The following TMEM65 variants were observed in gnomAD, a reference collection of about 807,000 sequenced individuals.
TMEM65 encodes the protein transmembrane protein 65.
In TMEM65, 22 loss-of-function variants were observed where a neutral mutation model predicts 25.4. That is an observed-to-expected ratio of 0.86 (90% CI 0.62 to 1.23). The LOEUF is 1.23. TMEM65 is among the 50% of genes most tolerant of loss of function. TMEM65 has a pLI of 0.00. For synonymous variants in TMEM65, 132 were observed against 126.2 expected, an observed-to-expected ratio of 1.05 and a Z score of -0.31; for missense variants, 262 against 308.2, an observed-to-expected ratio of 0.85 and a Z score of 1.12.
At chr8:124,345,297 C>G (rs1468264629) in intron 1 of TMEM65, among the ~76,000 whole-genome samples, 1 of 152,224 alleles carries the variant, frequency 6.6e-6, no homozygotes, top group Non-Finnish European at 1.5e-5. Flanking sequence ...CCATGTGTTG[C>G]TGGGAGGAAC....
chr8:124,355,010 A>T (rs1013056455), intron 1 of TMEM65, among the ~76,000 whole-genome samples: 1 of 152,220 alleles, frequency 6.6e-6, no homozygotes, highest in Admixed American at 6.5e-5. Flanking sequence ...ACAGGAGAAC[A>T]ACATGAAGAA....
intron 1 of TMEM65, among the ~76,000 whole-genome samples, chr8:124,362,662 CA>C (rs59243626): frequency 1.2e-4 from 12 of 98,176 alleles, no homozygotes; most frequent in Non-Finnish European, 7.5e-5. Context: ...ACTCTTGTCT[CA>C]AAAAAAAAAA....
Position 124,333,503 on chromosome 8 carries a change from G to C in TMEM65, c.305-2711C>G, listed in dbSNP as rs892978684. 1.4e-4 allele frequency among the ~76,000 whole-genome samples: 20 copies of C among 145,366 alleles called. No individual in the cohort carries two copies. In the South Asian group the frequency reaches 3.7e-3, roughly 27 times the overall value. ...TGTGTGTGTGTGTGTGTGTGTCTGT[G>C]TGTATTATATACATCATACTCTTTT... On this transcript the variant is annotated intron_variant, in intron 1 of 6. Coordinates refer to ENST00000297632, the MANE Select transcript of TMEM65 (RefSeq NM_194291.3).
At chr8:124,332,781 GAAGT>G (rs962147573) in intron 1 of TMEM65, among the ~76,000 whole-genome samples, 2 of 151,908 alleles carry the variant, frequency 1.3e-5, no homozygotes, top group African/African-American at 4.8e-5. Context: ...ATCTTATTAG[GAAGT>G]ATCTATTAAT....
rs1814196952 is a variant in TMEM65, at chr8:124,313,812, C to T, written c.*148G>A. On this transcript the variant is annotated 3_prime_UTR_variant, in exon 7 of 7. Transcript: ENST00000297632. ...AAAAGATGTCCTAAGAAGATCAAGC[C>T]ACAATAAGTTAGTGTTTTCCATAAT... is the stretch of plus-strand genomic sequence containing the variant. The T allele has an allele frequency of 6.7e-6, 4 of 598,974 alleles. No individual in the cohort carries two copies. Among genetic ancestry groups the T allele is most frequent in the African/African-American group, 1.9e-5 (1 of 53,248 alleles). 37.1% of individuals were successfully genotyped at this position (598,974 alleles called of 1,614,324 possible).
intron 3 of TMEM65, among the ~76,000 whole-genome samples, chr8:124,324,221 T>C (rs1344805345): frequency 1.3e-5 from 2 of 152,058 alleles, no homozygotes; most frequent in Non-Finnish European, 2.9e-5. Flanking sequence ...CTCAATGATA[T>C]TTGTGGAGGG....
chr8:124,332,080 T>C lies in TMEM65; in HGVS notation c.305-1288A>G, dbSNP rs141764258. ...AAGAATTAAGAAATGAAGATATATA[T>C]ACTAATCTTACAGAATTTCACATCT... On this transcript the variant is annotated intron_variant, in intron 1 of 6. Coordinates refer to ENST00000297632, the MANE Select transcript of TMEM65 (RefSeq NM_194291.3). 2.0e-5 allele frequency among the ~76,000 whole-genome samples: 3 copies of C among 152,266 alleles called. No homozygotes were observed. In the East Asian group the frequency reaches 5.8e-4, roughly 29 times the overall value.
At chr8:124,339,670 C>T (rs1193595685) in intron 1 of TMEM65, among the ~76,000 whole-genome samples, 1 of 151,998 alleles carries the variant, frequency 6.6e-6, no homozygotes, top group Non-Finnish European at 1.5e-5. Flanking sequence ...TTTGAGCTCA[C>T]TGACTTTATT....
Position 124,307,012 on chromosome 8 carries a change from T to C in TMEM65, c.*6948A>G, listed in dbSNP as rs984153362. On this transcript the variant is annotated 3_prime_UTR_variant, in exon 7 of 7. Transcript: ENST00000297632. Reference sequence around the variant, plus strand: ...ATACACAGACTATACATTGGAGCCATTTGCAGTTGAGACAAACATAAAGAT... The same window carrying C: ...ATACACAGACTATACATTGGAGCCACTTGCAGTTGAGACAAACATAAAGAT... 1.3e-5 allele frequency: 2 copies of C among 152,134 alleles called. No individual in the cohort carries two copies. The highest frequency in any genetic ancestry group is 2.9e-5 in the Non-Finnish European group (2 of 68,040). 9.4% of individuals were successfully genotyped at this position (152,134 alleles called of 1,614,324 possible).
intron 1 of TMEM65, among the ~76,000 whole-genome samples, chr8:124,337,896 G>T (rs1358185454): frequency 6.6e-6 from 1 of 151,964 alleles, no homozygotes. Context: ...TATGTTAAAA[G>T]GATGAGGATA....
At chr8:124,320,422 A>C (rs1369214645) in intron 5 of TMEM65, among the ~76,000 whole-genome samples, 1 of 152,218 alleles carries the variant, frequency 6.6e-6, no homozygotes, top group African/African-American at 2.4e-5. Flanking sequence ...TTTTTATTGC[A>C]TATATTGTTT....
intron 1 of TMEM65, among the ~76,000 whole-genome samples, chr8:124,336,229 G>A (rs1814504796): frequency 6.6e-6 from 1 of 151,990 alleles, no homozygotes; most frequent in African/African-American, 2.4e-5. Flanking sequence ...GAATCTAACA[G>A]AATTAAAGGG....
At chr8:124,351,121 A>G in intron 1 of TMEM65, 4 of 984,710 alleles carry the variant, frequency 4.1e-6, no homozygotes, top group Non-Finnish European at 4.8e-6. Context: ...TCTGCATGCT[A>G]AAAGATATTT....
chr8:124,312,704 T>C lies in TMEM65; in HGVS notation c.*1256A>G, dbSNP rs953571538. On this transcript the variant is annotated 3_prime_UTR_variant, in exon 7 of 7. Transcript: ENST00000297632. The stretch of plus-strand genomic sequence containing the variant: ...TACATGGTTATACTTAAGCCAGAAG[T>C]ACAAGACTAGAAATAAGTAACTTCA... 1 of 151,742 alleles carries C rather than the reference T, an allele frequency of 6.6e-6. No individual in the cohort carries two copies. Among genetic ancestry groups the C allele is most frequent in the Non-Finnish European group, 1.5e-5 (1 of 67,804 alleles). 9.4% of individuals were successfully genotyped at this position (151,742 alleles called of 1,614,324 possible). A position where few individuals can be genotyped will look rare whatever the true frequency, so the allele number is the denominator to read the frequency against.
chr8:124,317,945 G>T (rs998237572), intron 6 of TMEM65, among the ~76,000 whole-genome samples: 2 of 152,066 alleles, frequency 1.3e-5, no homozygotes, highest in Admixed American at 6.6e-5. Flanking sequence ...GGAAGAAGAA[G>T]AATTTTCTTG....
At chr8:124,364,280 G>A (rs949086039) in intron 1 of TMEM65, among the ~76,000 whole-genome samples, 6 of 152,168 alleles carry the variant, frequency 3.9e-5, no homozygotes, top group African/African-American at 1.4e-4. Context: ...ATGTCATGAA[G>A]CAGACCTCCT....
chr8:124,363,357 T>A (rs764360958), intron 1 of TMEM65, among the ~76,000 whole-genome samples: 12 of 152,242 alleles, frequency 7.9e-5, no homozygotes, highest in Non-Finnish European at 1.8e-4. Context: ...TGGTATGTTA[T>A]CAGTCCTAAT....
At chr8:124,327,834 G>T (rs1441880361) in intron 2 of TMEM65, among the ~76,000 whole-genome samples, 1 of 152,004 alleles carries the variant, frequency 6.6e-6, no homozygotes, top group African/African-American at 2.4e-5. Context: ...ATCGATTTCT[G>T]TATTAGAAAT....
intron 3 of TMEM65, among the ~76,000 whole-genome samples, chr8:124,325,726 C>G (rs1157194335): frequency 6.6e-6 from 1 of 151,874 alleles, no homozygotes; most frequent in Non-Finnish European, 1.5e-5. Flanking sequence ...TGGGGAACAC[C>G]AAATAGTGAA....
Sources: allele counts gnomAD v4.1 joint callset (sites outside exome capture counted in the v4.1 genomes callset), GRCh38; gene constraint gnomAD v4.1.1; transcripts MANE v1.5; gene names NCBI Gene and HGNC (gene_info 2026-07-23, HGNC 2026-07-21).